The following ARHGAP10 variants were observed in gnomAD, a reference collection of about 807,000 sequenced individuals.
ARHGAP10 encodes the protein Rho GTPase activating protein 10, also known as rho GTPase-activating protein 10.
A neutral mutation model predicts 108.6 loss-of-function variants in ARHGAP10; 87 were observed. The ratio of observed to expected loss-of-function variants is 0.80; its 90% CI spans 0.67 to 0.96. The LOEUF is 0.96. Ranked by LOEUF, ARHGAP10 falls within the 40% of genes least tolerant of loss-of-function variation. The pLI, the probability that ARHGAP10 is intolerant of heterozygous loss-of-function variation, is 0.00. For synonymous variants in ARHGAP10, 347 were observed against 341.1 expected (o/e 1.02, Z -0.19); for missense variants, 939 against 954.5 (o/e 0.98, Z 0.21).
intron 16 of ARHGAP10, among the ~76,000 whole-genome samples, chr4:147,957,068 G>A (rs556804799): frequency 9.2e-5 from 14 of 152,270 alleles, no homozygotes; most frequent in Non-Finnish European, 1.6e-4. Flanking sequence ...TGTTGGACCA[G>A]TACCTTGTGT....
intron 13 of ARHGAP10, among the ~76,000 whole-genome samples, chr4:147,932,109 A>G (rs1737720586): frequency 6.6e-6 from 1 of 152,212 alleles, no homozygotes; most frequent in African/African-American, 2.4e-5. Flanking sequence ...TCAAAACCAC[A>G]ATGAGATACC....
At chr4:147,975,757 A>G (rs1739568272) in intron 18 of ARHGAP10, among the ~76,000 whole-genome samples, 2 of 152,204 alleles carry the variant, frequency 1.3e-5, no homozygotes, top group South Asian at 4.1e-4. Flanking sequence ...ACACTATTAC[A>G]TTGAGGATTA....
At chr4:147,843,233 T>C (rs926063516) in intron 3 of ARHGAP10, among the ~76,000 whole-genome samples, 2 of 152,236 alleles carry the variant, frequency 1.3e-5, no homozygotes, top group African/African-American at 4.8e-5. Context: ...CCATTCTTTC[T>C]GGATTCTTCA....
chr4:147,871,211 G>A (rs1050202976), intron 7 of ARHGAP10, among the ~76,000 whole-genome samples: 12 of 152,052 alleles, frequency 7.9e-5, no homozygotes, highest in Non-Finnish European at 1.3e-4. Flanking sequence ...GCCCACCTCG[G>A]CCTCCCAAAG....
At chr4:147,758,474 CACCCCAGAAAGAAAGCCTGTCCCCTTT>C (rs1331271464) in intron 1 of ARHGAP10, among the ~76,000 whole-genome samples, 1 of 152,072 alleles carries the variant, frequency 6.6e-6, no homozygotes, top group Non-Finnish European at 1.5e-5. Flanking sequence ...ACATATTCAT[CACCCCAGAAAGAAAGCCTGTCCCCTTT>C]TGGCTAATAC....
chr4:147,818,957 A>T (rs1732373496), intron 1 of ARHGAP10, among the ~76,000 whole-genome samples: 1 of 152,232 alleles, frequency 6.6e-6, no homozygotes, highest in Non-Finnish European at 1.5e-5. Flanking sequence ...GAAAGGGGAA[A>T]ATGAGTGATA....
At chr4:147,979,324 G>T (rs757393916) in intron 18 of ARHGAP10, among the ~76,000 whole-genome samples, 3 of 152,072 alleles carry the variant, frequency 2.0e-5, no homozygotes, top group Non-Finnish European at 4.4e-5. Flanking sequence ...TTTCCCCCTT[G>T]TTTTTTGTCA....
chr4:147,907,572 G>A (rs1476441141), intron 11 of ARHGAP10, among the ~76,000 whole-genome samples: 3 of 152,200 alleles, frequency 2.0e-5, no homozygotes, highest in Non-Finnish European at 4.4e-5. Flanking sequence ...TCAGAATAGA[G>A]CTTATGAAAT....
At chr4:147,899,558 A>G (rs936499704) in intron 10 of ARHGAP10, among the ~76,000 whole-genome samples, 1 of 152,158 alleles carries the variant, frequency 6.6e-6, no homozygotes, top group African/African-American at 2.4e-5. Context: ...ACAGTTCTCT[A>G]ATGATTAATT....
At chr4:148,003,320 G>A (rs890962485) in intron 18 of ARHGAP10, among the ~76,000 whole-genome samples, 1 of 152,202 alleles carries the variant, frequency 6.6e-6, no homozygotes, top group African/African-American at 2.4e-5. Flanking sequence ...TTGGTGAGGA[G>A]TGCTTTACTT....
intron 13 of ARHGAP10, among the ~76,000 whole-genome samples, chr4:147,926,072 G>C (rs1033985687): frequency 1.3e-5 from 2 of 152,186 alleles, no homozygotes; most frequent in Admixed American, 1.3e-4. Context: ...GGTGTTGGTA[G>C]TGGTGAGTGG....
chr4:147,750,473 CTAAAT>C (rs879781218), intron 1 of ARHGAP10, among the ~76,000 whole-genome samples: 1 of 152,078 alleles, frequency 6.6e-6, no homozygotes, highest in Non-Finnish European at 1.5e-5. Context: ...TTACATATAA[CTAAAT>C]TAAGAGGGAT....
intron 13 of ARHGAP10, among the ~76,000 whole-genome samples, chr4:147,937,439 T>G (rs1737999708): frequency 6.6e-6 from 1 of 152,188 alleles, no homozygotes; most frequent in Admixed American, 6.5e-5. Flanking sequence ...TACTGAGGAT[T>G]AGGACGTCAA....
intron 17 of ARHGAP10, among the ~76,000 whole-genome samples, chr4:147,966,095 A>T (rs1156314447): frequency 6.6e-6 from 1 of 152,236 alleles, no homozygotes; most frequent in African/African-American, 2.4e-5. Context: ...TGCTCTGACC[A>T]AAGTCTGCAT....
At chr4:147,794,273 A>C (rs1731230157) in intron 1 of ARHGAP10, among the ~76,000 whole-genome samples, 1 of 152,196 alleles carries the variant, frequency 6.6e-6, no homozygotes, top group Non-Finnish European at 1.5e-5. Context: ...CAGCATTAGG[A>C]GGATTATAAG....
chr4:148,032,684 A>G (rs1728207757), intron 19 of ARHGAP10, among the ~76,000 whole-genome samples: 1 of 152,140 alleles, frequency 6.6e-6, no homozygotes, highest in Non-Finnish European at 1.5e-5. Context: ...GAAGTCCCAC[A>G]ATAGGCCATC....
intron 16 of ARHGAP10, 66 bp from the exon 17 acceptor site, chr4:147,964,951 ATTCTGAG>A (rs1295910772): frequency 1.8e-5 from 18 of 1,013,342 alleles, no homozygotes; most frequent in Non-Finnish European, 2.5e-5. Context: ...AATATATTTG[ATTCTGAG>A]TTCTCTATTA....
At chr4:147,774,224 T>G (rs1304336567) in intron 1 of ARHGAP10, among the ~76,000 whole-genome samples, 1 of 152,230 alleles carries the variant, frequency 6.6e-6, no homozygotes, top group Non-Finnish European at 1.5e-5. Flanking sequence ...TTGACCATGT[T>G]CAGACCAAGT....
intron 19 of ARHGAP10, among the ~76,000 whole-genome samples, chr4:148,031,605 G>A (rs970559083): frequency 1.3e-5 from 2 of 152,140 alleles, no homozygotes; most frequent in African/African-American, 4.8e-5. Flanking sequence ...TTGTCTTGTG[G>A]TTCCTTTCAG....
Sources: allele counts gnomAD v4.1 joint callset (sites outside exome capture counted in the v4.1 genomes callset), GRCh38; gene constraint gnomAD v4.1.1; transcripts MANE v1.5; gene names NCBI Gene and HGNC (gene_info 2026-07-23, HGNC 2026-07-21).